Variants in LRRC28 observed in about 807,000 individuals in gnomAD.
LRRC28 encodes leucine rich repeat containing 28, also known as leucine-rich repeat-containing protein 28.
Under a neutral mutation model 45.7 loss-of-function variants are expected in LRRC28, and 39 were observed. The ratio of observed to expected loss-of-function variants is 0.85; its 90% CI spans 0.66 to 1.12. The LOEUF (loss-of-function observed/expected upper bound fraction) is 1.12, where lower values mean the gene tolerates loss of function less well. Ranked by LOEUF, LRRC28 falls within the 50% of genes most tolerant of loss-of-function variation. LRRC28 has a pLI of 0.00. For synonymous variants in LRRC28, 206 were observed against 178.8 expected, an observed-to-expected ratio of 1.15 and a Z score of -1.22; for missense variants, 435 against 438.5, an observed-to-expected ratio of 0.99 and a Z score of 0.07.
chr15:99,359,259 AAAGTT>A (rs1957133164), intron 7 of LRRC28, among the ~76,000 whole-genome samples: 1 of 152,242 alleles, frequency 6.6e-6, no homozygotes, highest in South Asian at 2.1e-4. Context: ...AACCATATGC[AAAGTT>A]AAAAGACAAA....
rs1459592250 is a variant in LRRC28, at chr15:99,363,250, C to T, written c.1016C>T (p.Ala339Val). 1 of 1,613,794 alleles carries T rather than the reference C, an allele frequency of 6.2e-7. No homozygotes were observed. Among genetic ancestry groups the T allele is most frequent in the Non-Finnish European group, 8.5e-7 (1 of 1,179,872 alleles). ...KLFPLRETPM[A>V]GLHQWKTTVS... ...TTTCCCTTGAGAGAGACGCCAATGGCAGGGCTGCACCAGTGGTAATCATGC... is the reference window on the plus strand; with the variant it reads ...TTTCCCTTGAGAGAGACGCCAATGGTAGGGCTGCACCAGTGGTAATCATGC... The change falls in exon 9 of 10, where the codon GCA (alanine) becomes GTA (valine). Residue 339 changes from alanine to valine, a missense_variant. Physicochemically the swap from Ala to Val is moderately conservative, Grantham distance 64. Transcript: ENST00000301981.
At chr15:99,264,043 A>G (rs1361702377) in intron 2 of LRRC28, among the ~76,000 whole-genome samples, 2 of 152,226 alleles carry the variant, frequency 1.3e-5, no homozygotes, top group Non-Finnish European at 2.9e-5. Flanking sequence ...TGAACACTCA[A>G]AAAGTTTCTC....
chr15:99,291,795 A>G (rs1325515848), intron 5 of LRRC28, among the ~76,000 whole-genome samples: 3 of 152,236 alleles, frequency 2.0e-5, no homozygotes, highest in Admixed American at 6.5e-5. Flanking sequence ...TCTGTCAGCA[A>G]TATATGAGAG....
At chr15:99,271,047 G>GATAT (rs1261846898) in intron 2 of LRRC28, among the ~76,000 whole-genome samples, 1 of 152,094 alleles carries the variant, frequency 6.6e-6, no homozygotes. Flanking sequence ...TGTGCTTGTT[G>GATAT]GTCATTTGCA....
intron 2 of LRRC28, among the ~76,000 whole-genome samples, chr15:99,261,046 G>A (rs2081183104): frequency 6.6e-6 from 1 of 151,986 alleles, no homozygotes; most frequent in Admixed American, 6.6e-5. Context: ...AGAAGTTGTC[G>A]CTAATACTCA....
rs1958020804 is a variant in LRRC28 at position 99,387,083 on chromosome 15, CG to C, written c.*983del. The C allele has an allele frequency of 1.3e-5, 2 of 151,612 alleles. No individual in the cohort carries two copies. The highest frequency in any genetic ancestry group is 4.9e-5 in the African/African-American group (2 of 41,198). The allele number at this position is 151,612 out of a possible 1,614,324, so 9.4% of individuals were successfully genotyped here. A position where few individuals can be genotyped will look rare whatever the true frequency, so the allele number is the denominator to read the frequency against. On this transcript the variant is annotated 3_prime_UTR_variant, in exon 10 of 10. Coordinates refer to ENST00000301981, the MANE Select transcript of LRRC28 (RefSeq NM_144598.5). ...TGGTTTTTTTTTGTTGTTGTTGAGACGGAGTCTCGCTCTGTCGCCCAGGCTG... is the reference window on the plus strand; with the variant it reads ...TGGTTTTTTTTTGTTGTTGTTGAGACGAGTCTCGCTCTGTCGCCCAGGCTG...
In LRRC28 at chr15:99,386,041, T is replaced by C; in HGVS notation, c.1043T>C (p.Val348Ala). 6.2e-7 allele frequency: 1 copy of C among 1,614,006 alleles called. No individual in the cohort carries two copies. Among genetic ancestry groups the C allele is most frequent in the Non-Finnish European group, 8.5e-7 (1 of 1,179,922 alleles). Residue 348 changes from valine to alanine, a missense_variant, in exon 10 of 10, where the codon GTT (valine) becomes GCT (alanine). Transcript: ENST00000301981. Reference sequence around the variant, plus strand: ...TTTTCCCCTTCCAGGAAGACAACTGTTAGTTTTGTGGCTTACTGCTGCTCC... The same window carrying C: ...TTTTCCCCTTCCAGGAAGACAACTGCTAGTTTTGTGGCTTACTGCTGCTCC... ...MAGLHQWKTTVSFVAYCCSTQ... is the reference protein window; with the variant it reads ...MAGLHQWKTTASFVAYCCSTQ...
chr15:99,361,279 G>A (rs1957191570), intron 7 of LRRC28, 57 bp from the exon 8 acceptor site: 11 of 1,509,914 alleles, frequency 7.3e-6, no homozygotes, highest in Non-Finnish European at 9.8e-6. Context: ...CATTTTATTG[G>A]CACCCATATT....
intron 5 of LRRC28, among the ~76,000 whole-genome samples, chr15:99,311,664 T>C (rs1257627840): frequency 6.6e-6 from 1 of 152,180 alleles, no homozygotes; most frequent in Non-Finnish European, 1.5e-5. Flanking sequence ...AAGTTCAGAA[T>C]GATTTAAAAA....
chr15:99,274,087 A>G (rs377682960), intron 2 of LRRC28, among the ~76,000 whole-genome samples: 3 of 152,344 alleles, frequency 2.0e-5, no homozygotes, highest in Non-Finnish European at 2.9e-5. Flanking sequence ...CTTGTTGCAT[A>G]TATCAGTATA....
chr15:99,370,452 G>A (rs1957454042), intron 9 of LRRC28, among the ~76,000 whole-genome samples: 1 of 152,108 alleles, frequency 6.6e-6, no homozygotes, highest in Non-Finnish European at 1.5e-5. Context: ...CAGAAGGATG[G>A]AGCTCCAACT....
At chr15:99,320,387 A>G (rs1203625872) in intron 5 of LRRC28, among the ~76,000 whole-genome samples, 1 of 152,152 alleles carries the variant, frequency 6.6e-6, no homozygotes, top group Non-Finnish European at 1.5e-5. Flanking sequence ...GTTGTGTCCT[A>G]TACTGGCAGA....
In LRRC28 at chr15:99,255,952, T is replaced by C. The variant is rs1159780303; in HGVS notation, c.-6T>C. 6.2e-7 allele frequency: 1 copy of C among 1,611,620 alleles called. No homozygotes were observed. The highest frequency in any genetic ancestry group is 1.3e-5 in the African/African-American group (1 of 74,826). On this transcript the variant is annotated 5_prime_UTR_variant, in exon 2 of 10. Transcript: ENST00000301981. ...CTGCAGCGTGCCTGATGGGATATATTCAGTCATGGCGTCCGAACTTTGTAA... is the reference window on the plus strand; with the variant it reads ...CTGCAGCGTGCCTGATGGGATATATCCAGTCATGGCGTCCGAACTTTGTAA...
chr15:99,339,886 T>C (rs1956450162), intron 6 of LRRC28, among the ~76,000 whole-genome samples: 1 of 152,234 alleles, frequency 6.6e-6, no homozygotes, highest in Non-Finnish European at 1.5e-5. Context: ...CAGAATTATC[T>C]CTTGGAGATT....
intron 9 of LRRC28, among the ~76,000 whole-genome samples, chr15:99,382,021 A>G (rs1957843241): frequency 6.6e-6 from 1 of 152,144 alleles, no homozygotes. Flanking sequence ...TCAGATCTCA[A>G]ACTCCGTGCT....
intron 2 of LRRC28, among the ~76,000 whole-genome samples, chr15:99,260,478 T>C (rs903086500): frequency 2.6e-5 from 4 of 152,244 alleles, no homozygotes; most frequent in Non-Finnish European, 5.9e-5. Flanking sequence ...TATTTTACTT[T>C]GTTTTCTCTT....
rs28625328 is a variant in LRRC28 at position 99,389,946 on chromosome 15, A to G, written c.*3844A>G. 6,582 of 152,276 alleles carry G rather than the reference A, an allele frequency of 0.043. 321 individuals are homozygous for G. Among genetic ancestry groups the G allele is most frequent in the African/African-American group, 0.12 (5,043 of 41,508 alleles). The allele number at this position is 152,276 out of a possible 1,614,324, so 9.4% of individuals were successfully genotyped here. A position where few individuals can be genotyped will look rare whatever the true frequency, so the allele number is the denominator to read the frequency against. On this transcript the variant is annotated 3_prime_UTR_variant, in exon 10 of 10. Coordinates refer to ENST00000301981, the MANE Select transcript of LRRC28 (RefSeq NM_144598.5). ...AGCCTGGCCAGCATGGTGAAACCCC[A>G]TCTCTACTAAAAATACAAAAAATTA...
At chr15:99,287,479 T>C (rs1003427754) in intron 4 of LRRC28, among the ~76,000 whole-genome samples, 185 bp downstream of exon 4, 2 of 152,320 alleles carry the variant, frequency 1.3e-5, no homozygotes, top group African/African-American at 4.8e-5. Context: ...AGGTAAACTA[T>C]TGTTGGATAA....
At chr15:99,337,232 G>A (rs1956355107) in intron 6 of LRRC28, among the ~76,000 whole-genome samples, 1 of 152,232 alleles carries the variant, frequency 6.6e-6, no homozygotes, top group Non-Finnish European at 1.5e-5. Context: ...AGGTGGCAGT[G>A]TTGTTGGGAG....
Sources: gnomAD v4.1 joint callset for allele counts (sites outside exome capture counted in the v4.1 genomes callset) on GRCh38, gnomAD v4.1.1 for gene constraint, MANE v1.5 for transcripts, NCBI Gene and HGNC (gene_info 2026-07-23, HGNC 2026-07-21) for gene names.